Variants in MAEA observed in about 807,000 individuals in gnomAD.
MAEA encodes E3 ubiquitin-protein transferase MAEA.
Under a neutral mutation model 46.2 loss-of-function variants are expected in MAEA, and 22 were observed. That is an observed-to-expected ratio of 0.48 (90% CI 0.34 to 0.68). The LOEUF (loss-of-function observed/expected upper bound fraction) is 0.68. Ranked by LOEUF, MAEA falls within the 30% of genes least tolerant of loss-of-function variation. MAEA has a pLI of 0.01. For synonymous variants in MAEA, 246 were observed against 222.6 expected, an observed-to-expected ratio of 1.11 and a Z score of -0.94; for missense variants, 393 against 558.1, an observed-to-expected ratio of 0.70 and a Z score of 2.98.
At chr4:1,323,856 C>T (rs1738453992) in intron 4 of MAEA, among the ~76,000 whole-genome samples, 2 of 152,256 alleles carry the variant, frequency 1.3e-5, no homozygotes, top group South Asian at 4.1e-4. Context: ...CAGGCAGGGC[C>T]AGGACTCGGG....
intron 2 of MAEA, among the ~76,000 whole-genome samples, chr4:1,314,335 AT>A (rs1736868214): frequency 6.6e-6 from 1 of 152,162 alleles, no homozygotes; most frequent in Non-Finnish European, 1.5e-5. Context: ...AAAAAAAAAA[AT>A]TCAGAATTTA....
chr4:1,323,327 C>G (rs559023997), intron 4 of MAEA, among the ~76,000 whole-genome samples: 1 of 152,278 alleles, frequency 6.6e-6, no homozygotes, highest in South Asian at 2.1e-4. Context: ...TATTAAAAGG[C>G]ATTGTCACCC....
At position 1,320,707 on chromosome 4, in the gene MAEA, A is replaced by G. The variant is rs745463283; in HGVS notation, c.457-1674A>G. On this transcript the variant is annotated intron_variant, in intron 3 of 8. Transcript: ENST00000303400. ...CAGAAAAGAAATCATCAACATGAAC[A>G]TGCAAGAAGACGCTATGAAGGGGCT... Among the ~76,000 whole-genome samples, 2 of 151,928 alleles carry G rather than the reference A, an allele frequency of 1.3e-5. 1 individual carries two copies. Among genetic ancestry groups the G allele is most frequent in the South Asian group, 4.2e-4 (2 of 4,794 alleles).
At chr4:1,335,380 T>C in intron 6 of MAEA, 3 of 985,492 alleles carry the variant, frequency 3.0e-6, no homozygotes, top group Non-Finnish European at 3.6e-6. Flanking sequence ...GTAGCAGAGT[T>C]AAGTCAGCAC....
At chr4:1,300,840 A>G (rs1404343691) in intron 1 of MAEA, among the ~76,000 whole-genome samples, 1 of 152,234 alleles carries the variant, frequency 6.6e-6, no homozygotes, top group Non-Finnish European at 1.5e-5. Flanking sequence ...TGGAAGTGTC[A>G]TTTTTTCAAG....
rs1560353947 is a variant in MAEA at position 1,315,591 on chromosome 4, CG to C, written c.449del (p.Gly150AlafsTer5). ...NTAVKLARQS[G>X]IEDLVNIEMF... ...CGGCTGTCAAGCTGGCGCGCCAGAG[CG>C]GCATCGAGGTGGGTGCCCGCCAGAC... On this transcript the variant is annotated frameshift_variant, in exon 3 of 9. Coordinates refer to ENST00000303400, the MANE Select transcript of MAEA (RefSeq NM_001017405.3). LOFTEE classifies it high-confidence loss of function. 6.2e-7 allele frequency: 1 copy of C among 1,612,906 alleles called. No homozygotes were observed. Among genetic ancestry groups the C allele is most frequent in the Non-Finnish European group, 8.5e-7 (1 of 1,179,692 alleles).
chr4:1,293,913 G>C (rs151032336), intron 1 of MAEA, among the ~76,000 whole-genome samples: 110 of 152,354 alleles, frequency 7.2e-4, no homozygotes, highest in African/African-American at 2.4e-3. Flanking sequence ...AACTGCTCCT[G>C]CGCCTTTTGT....
At chr4:1,324,488 G>A (rs1400447065) in intron 4 of MAEA, among the ~76,000 whole-genome samples, 11 of 150,770 alleles carry the variant, frequency 7.3e-5, no homozygotes, top group African/African-American at 2.7e-4. Flanking sequence ...GCCTGGTGTT[G>A]GATAAAGTTG....
intron 3 of MAEA, among the ~76,000 whole-genome samples, chr4:1,318,054 G>A (rs114566640): frequency 0.018 from 2,751 of 152,296 alleles, 90 homozygotes; most frequent in African/African-American, 0.061. Flanking sequence ...TGTCCGCTCC[G>A]GTGCCCTGTC....
intron 1 of MAEA, among the ~76,000 whole-genome samples, chr4:1,298,404 T>C (rs1383908118): frequency 6.6e-6 from 1 of 152,196 alleles, no homozygotes; most frequent in African/African-American, 2.4e-5. Flanking sequence ...ACGCGCCGTC[T>C]TCTGGTTATC....
intron 6 of MAEA, chr4:1,335,473 C>A (rs1341053111): frequency 2.0e-6 from 2 of 984,788 alleles, no homozygotes; most frequent in Non-Finnish European, 2.4e-6. Context: ...CAGCACTGGC[C>A]CCACAGTGTG....
intron 4 of MAEA, among the ~76,000 whole-genome samples, chr4:1,325,041 T>C (rs1283012235): frequency 6.6e-6 from 1 of 152,110 alleles, no homozygotes; most frequent in Non-Finnish European, 1.5e-5. Context: ...CACGAAAACA[T>C]GCCCGGTACG....
At chr4:1,327,230 G>A (rs1304142486) in intron 4 of MAEA, among the ~76,000 whole-genome samples, 1 of 152,242 alleles carries the variant, frequency 6.6e-6, no homozygotes, top group Non-Finnish European at 1.5e-5. Context: ...AGAGGAAGCA[G>A]TGGCCTCAGG....
At chr4:1,320,017 A>G (rs780917247) in intron 3 of MAEA, among the ~76,000 whole-genome samples, 1 of 151,150 alleles carries the variant, frequency 6.6e-6, no homozygotes. Context: ...AGAAAACGCT[A>G]TGAAGGGGCT....
At chr4:1,326,145 G>A (rs1738786890) in intron 4 of MAEA, among the ~76,000 whole-genome samples, 2 of 152,202 alleles carry the variant, frequency 1.3e-5, no homozygotes, top group South Asian at 4.1e-4. Context: ...CAGGCGGGGT[G>A]GGCTGGAGCA....
In MAEA at chr4:1,289,937, T is replaced by G; in HGVS notation, c.24T>G (p.Ala8=). 1 of 1,601,940 alleles carries G rather than the reference T, an allele frequency of 6.2e-7. No homozygotes were observed. Among genetic ancestry groups the G allele is most frequent in the Non-Finnish European group, 8.5e-7 (1 of 1,174,010 alleles). The part of the protein sequence containing the change: MAVQESA[A]QLSMTLKVQE... Reference sequence around the variant, plus strand: ...AGATGGCGGTGCAGGAGTCGGCGGCTCAGTTGTCCATGACCCTGAAGGTCC... The same window carrying G: ...AGATGGCGGTGCAGGAGTCGGCGGCGCAGTTGTCCATGACCCTGAAGGTCC... The change falls in exon 1 of 9, where the codon GCT becomes GCG. Residue 8 remains alanine, a synonymous_variant. Transcript: ENST00000303400.
At chr4:1,304,973 C>T (rs973648961) in intron 1 of MAEA, among the ~76,000 whole-genome samples, 1 of 152,036 alleles carries the variant, frequency 6.6e-6, no homozygotes, top group African/African-American at 2.4e-5. Flanking sequence ...TTATCTGCTT[C>T]GGTTTCTCAG....
intron 1 of MAEA, among the ~76,000 whole-genome samples, chr4:1,307,681 C>T (rs1047062870): frequency 2.0e-5 from 3 of 152,160 alleles, no homozygotes; most frequent in African/African-American, 7.2e-5. Flanking sequence ...TGGCTCAGTC[C>T]AAAGCCAAAG....
chr4:1,296,449 C>T (rs1448302612), intron 1 of MAEA, among the ~76,000 whole-genome samples: 9 of 141,824 alleles, frequency 6.3e-5, no homozygotes, highest in South Asian at 4.6e-4. Context: ...GTTCCTCACC[C>T]GTGCCTGTGC....
Sources: gnomAD v4.1 joint callset for allele counts (sites outside exome capture counted in the v4.1 genomes callset) on GRCh38, gnomAD v4.1.1 for gene constraint, MANE v1.5 for transcripts, NCBI Gene and HGNC (gene_info 2026-07-23, HGNC 2026-07-21) for gene names.